The following WASF2 variants were observed in gnomAD, a reference collection of about 807,000 sequenced individuals.
The protein encoded by WASF2 is WASP family member 2, also known as actin-binding protein WASF2.
A neutral mutation model predicts 45.0 loss-of-function variants in WASF2; 14 were observed. That is an observed-to-expected ratio of 0.31 (90% CI 0.21 to 0.49). WASF2 has a LOEUF of 0.49. Among genes scored for constraint, WASF2 ranks in the 20% least tolerant of loss-of-function variants. The pLI is 0.99. For synonymous variants in WASF2, 200 were observed against 236.3 expected (o/e 0.85, Z 1.41); for missense variants, 439 against 636.1 (o/e 0.69, Z 3.33).
intron 1 of WASF2, among the ~76,000 whole-genome samples, chr1:27,443,266 T>C (rs1461314185): frequency 8.1e-6 from 1 of 122,840 alleles, no homozygotes; most frequent in Non-Finnish European, 1.6e-5. Context: ...ACTCCAGGAG[T>C]AAGAGGCCCA....
At position 27,418,278 on chromosome 1, in the gene WASF2, G is replaced by C; in HGVS notation, c.410C>G (p.Thr137Ser). The change falls in exon 4 of 9, where the codon ACC (threonine) becomes AGC (serine). Residue 137 changes from threonine to serine, a missense_variant. Coordinates refer to ENST00000618852, the MANE Select transcript of WASF2 (RefSeq NM_006990.5). Reference protein sequence around the residue: ...CDTPPPLNNLTPYRDDGKEAL... With the variant: ...CDTPPPLNNLSPYRDDGKEAL... ...ACTAGCCAGCCATTACCTGTAAGGG[G>C]TAAGATTGTTGAGAGGGGGAGGAGT... 6.2e-7 allele frequency: 1 copy of C among 1,614,114 alleles called. No homozygotes were observed. The highest frequency in any genetic ancestry group is 8.5e-7 in the Non-Finnish European group (1 of 1,179,970).
chr1:27,428,689 G>C (rs2017019894), intron 2 of WASF2, 72 bp downstream of exon 2: 1 of 1,609,352 alleles, frequency 6.2e-7, no homozygotes, highest in Admixed American at 1.7e-5. Flanking sequence ...AGGAACGCGG[G>C]AGGAGAAGGA....
chr1:27,488,493 C>T (rs1013729880), intron 1 of WASF2, among the ~76,000 whole-genome samples: 1 of 152,138 alleles, frequency 6.6e-6, no homozygotes, highest in African/African-American at 2.4e-5. Flanking sequence ...GGGCTGGCAC[C>T]ACTCTGAACC....
Position 27,414,186 on chromosome 1 carries a change from G to A in WASF2, c.668+647C>T, listed in dbSNP as rs2016798910. ...TCAACCAGGTCAGACACCAGGATAA[G>A]CATCAAACCAAGCTTTAAAACCATC... On this transcript the variant is annotated intron_variant, in intron 6 of 8. Coordinates refer to ENST00000618852, the MANE Select transcript of WASF2 (RefSeq NM_006990.5). This position sits in a 1 kb window ranked among gnomAD's most constrained non-coding sequence, Gnocchi z 4.1. Among the ~76,000 whole-genome samples the A allele has an allele frequency of 2.0e-5, 3 of 152,176 alleles. No individual in the cohort carries two copies.
chr1:27,473,341 G>A (rs997766337), intron 1 of WASF2, among the ~76,000 whole-genome samples: 7 of 150,924 alleles, frequency 4.6e-5, no homozygotes, highest in East Asian at 1.9e-4. Context: ...TTAGCCGGGC[G>A]TGGTGGCAGG....
At chr1:27,449,896 C>A (rs2017361184) in intron 1 of WASF2, among the ~76,000 whole-genome samples, 1 of 152,114 alleles carries the variant, frequency 6.6e-6, no homozygotes, top group South Asian at 2.1e-4. Flanking sequence ...ATAATCCCAG[C>A]ACTTTGGGAG....
intron 1 of WASF2, chr1:27,457,208 G>A (rs1053924181): frequency 6.6e-6 from 1 of 151,896 alleles, no homozygotes; most frequent in African/African-American, 2.4e-5. Flanking sequence ...ACATCATCTT[G>A]GTAAGTTATC....
chr1:27,416,999 G>C (rs1315798119), intron 4 of WASF2, among the ~76,000 whole-genome samples: 1 of 152,144 alleles, frequency 6.6e-6, no homozygotes, highest in East Asian at 1.9e-4. Context: ...TCACAACACA[G>C]AAAGCACTTC....
chr1:27,477,227 G>A (rs1463363497), intron 1 of WASF2, among the ~76,000 whole-genome samples: 3 of 152,174 alleles, frequency 2.0e-5, no homozygotes, highest in African/African-American at 7.2e-5. Context: ...GCTTCTATAT[G>A]AGTACAGATT....
chr1:27,474,151 C>T (rs1476702551), intron 1 of WASF2, among the ~76,000 whole-genome samples: 1 of 152,094 alleles, frequency 6.6e-6, no homozygotes, highest in African/African-American at 2.4e-5. Context: ...TAATGTTATT[C>T]AAAGACCTGT....
intron 2 of WASF2, among the ~76,000 whole-genome samples, chr1:27,419,412 C>T (rs1344652423): frequency 6.6e-6 from 1 of 152,174 alleles, no homozygotes; most frequent in African/African-American, 2.4e-5. Flanking sequence ...TATTTCTACA[C>T]ATTTCCAGCC....
At chr1:27,460,000 GA>G in intron 1 of WASF2, among the ~76,000 whole-genome samples, 1 of 152,186 alleles carries the variant, frequency 6.6e-6, no homozygotes, top group Middle Eastern at 3.2e-3. Flanking sequence ...ACAGATCAAT[GA>G]GATAACACAT....
chr1:27,455,574 T>G (rs1375721084), intron 1 of WASF2, among the ~76,000 whole-genome samples: 1 of 152,200 alleles, frequency 6.6e-6, no homozygotes, highest in African/African-American at 2.4e-5. Context: ...TTTAGCCTCA[T>G]CTCTGGCCAC....
intron 1 of WASF2, among the ~76,000 whole-genome samples, chr1:27,429,292 G>A (rs1557602292): frequency 6.6e-6 from 1 of 152,138 alleles, no homozygotes; most frequent in East Asian, 1.9e-4. Flanking sequence ...GCAGACACTG[G>A]ACGGTACAGA....
At chr1:27,472,321 A>G (rs992735269) in intron 1 of WASF2, among the ~76,000 whole-genome samples, 1 of 146,690 alleles carries the variant, frequency 6.8e-6, no homozygotes, top group Non-Finnish European at 1.5e-5. Context: ...CAAGACGCCA[A>G]CTCAAAAAAA....
At chr1:27,461,539 T>C (rs548777807) in intron 1 of WASF2, among the ~76,000 whole-genome samples, 2 of 150,746 alleles carry the variant, frequency 1.3e-5, no homozygotes, top group South Asian at 4.2e-4. Flanking sequence ...CTTGGCTCAC[T>C]GCAAGCTCCG....
chr1:27,459,123 T>TAA (rs752680109), intron 1 of WASF2, among the ~76,000 whole-genome samples: 2 of 142,470 alleles, frequency 1.4e-5, no homozygotes, highest in Non-Finnish European at 1.5e-5. Context: ...AGACTCCATC[T>TAA]AAAAAAAAAA....
rs202202678 is a variant in WASF2, at chr1:27,414,816, A to G, written c.668+17T>C. 2.3e-5 allele frequency: 37 copies of G among 1,614,002 alleles called. No homozygotes were observed. The highest frequency in any genetic ancestry group is 3.0e-5 in the Non-Finnish European group (35 of 1,180,008). Reference sequence around the variant, plus strand: ...CCCTTCAAAGAATGCTACCAACAGTACAAAGGCATTACCTACCCAGAAGTC... The same window carrying G: ...CCCTTCAAAGAATGCTACCAACAGTGCAAAGGCATTACCTACCCAGAAGTC... On this transcript the variant is annotated intron_variant, in intron 6 of 8. Transcript: ENST00000618852. The surrounding 1 kb of genome is among the most constrained non-coding windows in gnomAD (Gnocchi z 4.1).
intron 1 of WASF2, among the ~76,000 whole-genome samples, chr1:27,461,349 GAATT>G (rs1042169154): frequency 2.0e-5 from 3 of 149,660 alleles, no homozygotes; most frequent in African/African-American, 7.4e-5. Context: ...ATTAATTAAT[GAATT>G]AATTAAGACA....
Sources: allele counts gnomAD v4.1 joint callset (sites outside exome capture counted in the v4.1 genomes callset), GRCh38; gene constraint gnomAD v4.1.1; non-coding constraint Gnocchi (gnomAD v3.1); transcripts MANE v1.5; gene names NCBI Gene and HGNC (gene_info 2026-07-23, HGNC 2026-07-21).